Variants in CADPS observed in about 807,000 individuals in gnomAD.
The protein encoded by CADPS is calcium dependent secretion activator.
Under a neutral mutation model 167.3 loss-of-function variants are expected in CADPS, and 57 were observed. That is an observed-to-expected ratio of 0.34 (90% CI 0.28 to 0.42). CADPS has a LOEUF of 0.42. Among genes scored for constraint, CADPS ranks in the 20% least tolerant of loss-of-function variants. The pLI, the probability that CADPS is intolerant of heterozygous loss-of-function variation, is 1.00. For missense variants in CADPS, 1,414 were observed against 1,738.1 expected (o/e 0.81, Z 3.32); for synonymous variants, 676 against 635.3 (o/e 1.06, Z -0.96).
chr3:62,690,193 C>T (rs1000537265), intron 3 of CADPS, among the ~76,000 whole-genome samples: 3 of 151,848 alleles, frequency 2.0e-5, no homozygotes, highest in East Asian at 3.9e-4. Context: ...TGGCAGCTGC[C>T]CCTGTTAAGT....
chr3:62,564,473 CATATAA>C (rs377012808), intron 9 of CADPS, among the ~76,000 whole-genome samples: 2 of 152,112 alleles, frequency 1.3e-5, no homozygotes, highest in African/African-American at 2.4e-5. Context: ...TCTAAGAAAC[CATATAA>C]ATATAAGTGA....
intron 8 of CADPS, among the ~76,000 whole-genome samples, chr3:62,573,423 A>G (rs1391668737): frequency 6.6e-6 from 1 of 152,156 alleles, no homozygotes; most frequent in Middle Eastern, 3.2e-3. Context: ...TCTATATATC[A>G]TTAAAACCAT....
At chr3:62,686,376 T>G (rs2078034920) in intron 3 of CADPS, among the ~76,000 whole-genome samples, 1 of 152,068 alleles carries the variant, frequency 6.6e-6, no homozygotes, top group South Asian at 2.1e-4. Context: ...AGGAAGTCAA[T>G]GGGTCAGCTG....
intron 2 of CADPS, among the ~76,000 whole-genome samples, chr3:62,762,259 TAAC>T (rs1420064777): frequency 6.6e-6 from 1 of 152,088 alleles, no homozygotes; most frequent in African/African-American, 2.4e-5. Context: ...AAATAAGAAA[TAAC>T]AATAAAAAGT....
chr3:62,823,995 G>A (rs943691779), intron 1 of CADPS, among the ~76,000 whole-genome samples: 21 of 151,878 alleles, frequency 1.4e-4, no homozygotes, highest in Admixed American at 1.2e-3. Flanking sequence ...CTCTTTGCAG[G>A]CATTACATAA....
At chr3:62,756,061 T>C (rs1251197333) in intron 2 of CADPS, among the ~76,000 whole-genome samples, 1 of 151,358 alleles carries the variant, frequency 6.6e-6, no homozygotes, top group Non-Finnish European at 1.5e-5. Flanking sequence ...CTTTTTCTTT[T>C]TTTTTTTTTT....
At chr3:62,596,147 C>T (rs1354030550) in intron 6 of CADPS, among the ~76,000 whole-genome samples, 1 of 143,572 alleles carries the variant, frequency 7.0e-6, no homozygotes, top group Non-Finnish European at 1.5e-5. Context: ...ACACACATAT[C>T]CTATTAGTTT....
intron 1 of CADPS, among the ~76,000 whole-genome samples, chr3:62,846,805 A>T (rs1395003273): frequency 6.6e-6 from 1 of 152,088 alleles, no homozygotes; most frequent in Non-Finnish European, 1.5e-5. Context: ...CTGGTATTAC[A>T]GGTGACTGCC....
chr3:62,792,518 A>AATGTC (rs931849612), intron 1 of CADPS, among the ~76,000 whole-genome samples: 4 of 151,868 alleles, frequency 2.6e-5, no homozygotes, highest in Non-Finnish European at 4.4e-5. Flanking sequence ...TTAACTTTTA[A>AATGTC]ATGTCATGTC....
chr3:62,689,817 C>A (rs2078765420), intron 3 of CADPS, among the ~76,000 whole-genome samples: 1 of 151,962 alleles, frequency 6.6e-6, no homozygotes, highest in Admixed American at 6.6e-5. Flanking sequence ...AAAGAAGTAG[C>A]TCCTGAGATG....
rs200840864 is a variant in CADPS, at chr3:62,629,772, G to T, written c.1325+15950C>A. 4.0e-3 allele frequency among the ~76,000 whole-genome samples: 588 copies of T among 148,062 alleles called. 1 individual carries two copies. The highest frequency in any genetic ancestry group is 8.4e-3 in the African/African-American group (343 of 40,772). ...CTCTGGTACAGTTTTTTTTTTGTTT[G>T]TTTGTTTGTTTTTTTCCTGTCCCTT... On this transcript the variant is annotated intron_variant, in intron 6 of 29. Transcript: ENST00000383710.
At chr3:62,756,334 T>A (rs2083904834) in intron 2 of CADPS, among the ~76,000 whole-genome samples, 1 of 152,218 alleles carries the variant, frequency 6.6e-6, no homozygotes, top group Non-Finnish European at 1.5e-5. Flanking sequence ...CCCAAAGAGT[T>A]GGGATTACAG....
At chr3:62,417,273 A>ATTTTT (rs1491233573) in intron 28 of CADPS, among the ~76,000 whole-genome samples, 1 of 51,534 alleles carries the variant, frequency 1.9e-5, no homozygotes, top group Non-Finnish European at 3.5e-5. Context: ...TTTTTCTTTT[A>ATTTTT]CTCTTTTTTT....
At chr3:62,427,545 C>T (rs2053005996) in intron 28 of CADPS, among the ~76,000 whole-genome samples, 1 of 152,134 alleles carries the variant, frequency 6.6e-6, no homozygotes, top group Non-Finnish European at 1.5e-5. Flanking sequence ...CAGCACTGGC[C>T]TCTGCTTGCT....
chr3:62,780,992 C>T (rs925299780), intron 1 of CADPS, among the ~76,000 whole-genome samples: 2 of 152,076 alleles, frequency 1.3e-5, no homozygotes, highest in African/African-American at 4.8e-5. Context: ...AGGACTCGTA[C>T]ATTTATTTTT....
At chr3:62,658,271 G>T (rs2072231177) in intron 4 of CADPS, among the ~76,000 whole-genome samples, 1 of 152,140 alleles carries the variant, frequency 6.6e-6, no homozygotes, top group South Asian at 2.1e-4. Flanking sequence ...GTCTAAATGA[G>T]ATTTTATGTG....
intron 8 of CADPS, among the ~76,000 whole-genome samples, chr3:62,581,318 A>G (rs1482767337): frequency 6.6e-6 from 1 of 151,964 alleles, no homozygotes; most frequent in Non-Finnish European, 1.5e-5. Context: ...AACCATAATT[A>G]TTTTCATCTC....
chr3:62,417,273 ACTCTTTTT>A (rs1243299524), intron 28 of CADPS, among the ~76,000 whole-genome samples: 8 of 51,510 alleles, frequency 1.6e-4, no homozygotes, highest in South Asian at 1.3e-3. Flanking sequence ...TTTTTCTTTT[ACTCTTTTT>A]TTTTTTTTTT....
intron 1 of CADPS, among the ~76,000 whole-genome samples, chr3:62,773,723 T>A (rs1421531299): frequency 2.6e-5 from 4 of 151,808 alleles, no homozygotes; most frequent in Non-Finnish European, 5.9e-5. Flanking sequence ...AAATTAGATA[T>A]GTTCTATCCT....
Sources: allele counts gnomAD v4.1 joint callset (sites outside exome capture counted in the v4.1 genomes callset), GRCh38; gene constraint gnomAD v4.1.1; transcripts MANE v1.5; gene names NCBI Gene and HGNC (gene_info 2026-07-23, HGNC 2026-07-21).